Variants in ROBO1 observed in about 807,000 individuals in gnomAD.
ROBO1 encodes roundabout guidance receptor 1, also known as roundabout homolog 1.
In ROBO1, 149 loss-of-function variants were observed where a neutral mutation model predicts 195.9. The ratio of observed to expected loss-of-function variants is 0.76; its 90% CI spans 0.67 to 0.87. The LOEUF is 0.87. ROBO1 is among the 40% of genes least tolerant of loss of function. ROBO1 has a pLI of 0.00. For synonymous variants in ROBO1, 816 were observed against 733.2 expected (o/e 1.11, Z -1.82); for missense variants, 1,933 against 2,068.3 (o/e 0.93, Z 1.27).
At chr3:79,228,555 T>A (rs1024101134) in intron 2 of ROBO1, among the ~76,000 whole-genome samples, 1 of 152,084 alleles carries the variant, frequency 6.6e-6, no homozygotes, top group Non-Finnish European at 1.5e-5. Context: ...GGGAGATTTT[T>A]AAAAAACCTG....
chr3:78,746,837 A>T lies in ROBO1; in HGVS notation c.563T>A (p.Val188Glu), dbSNP rs1441986150. 6.2e-7 allele frequency: 1 copy of T among 1,601,664 alleles called. No individual in the cohort carries two copies. Among genetic ancestry groups the T allele is most frequent in the Non-Finnish European group, 8.5e-7 (1 of 1,171,186 alleles). The change falls in exon 5 of 31, where the codon GTA becomes GAA. Residue 188 changes from valine (V) to glutamate (E), a missense_variant. Physicochemically the swap from Val to Glu is moderately radical, Grantham distance 121 (BLOSUM62 -2). This residue lies in a region of ROBO1 where 1,737 missense variants were observed against 1,882.5 expected (regional missense o/e 0.92). Transcript: ENST00000464233. ...DVMVAVGEPAVMECQPPRGHP... is the reference protein window; with the variant it reads ...DVMVAVGEPAEMECQPPRGHP... ...GCCTCGTGGAGGTTGGCATTCCATTACTGCAGGCTCTCCTACTGCAACCAT... is the reference window on the plus strand; with the variant it reads ...GCCTCGTGGAGGTTGGCATTCCATTTCTGCAGGCTCTCCTACTGCAACCAT...
intron 4 of ROBO1, among the ~76,000 whole-genome samples, chr3:78,821,168 T>A (rs2030880113): frequency 6.7e-6 from 1 of 148,306 alleles, no homozygotes; most frequent in Non-Finnish European, 1.5e-5. Context: ...CTGATTTTTT[T>A]TTTTTTTTTT....
At chr3:79,717,114 T>A (rs1047589851) in intron 1 of ROBO1, among the ~76,000 whole-genome samples, 11 of 151,952 alleles carry the variant, frequency 7.2e-5, no homozygotes, top group African/African-American at 2.7e-4. Context: ...TCTTAAAAAA[T>A]TAGTGTTAGA....
chr3:79,447,252 C>T (rs186812117), intron 2 of ROBO1, among the ~76,000 whole-genome samples: 19 of 152,188 alleles, frequency 1.2e-4, no homozygotes, highest in Admixed American at 1.1e-3. Context: ...TCATGTGAGG[C>T]TCATTGAAGA....
At chr3:78,700,764 CTTTTTTTT>C (rs71127355) in intron 8 of ROBO1, among the ~76,000 whole-genome samples, 56,027 of 144,418 alleles carry the variant, frequency 0.39, 12,895 homozygotes, top group Middle Eastern at 0.54. Context: ...ATCTTTTTTT[CTTTTTTTT>C]TTTTTTTTGA....
intron 26 of ROBO1, among the ~76,000 whole-genome samples, chr3:78,620,443 A>C (rs60912355): frequency 0.33 from 50,224 of 151,982 alleles, 8,712 homozygotes; most frequent in African/African-American, 0.42. Flanking sequence ...ACCCGGGAGG[A>C]GGAGGTTGCA....
chr3:79,463,855 C>T (rs879770107), intron 2 of ROBO1, among the ~76,000 whole-genome samples: 7 of 152,056 alleles, frequency 4.6e-5, no homozygotes, highest in Non-Finnish European at 1.0e-4. Context: ...AATAATTGAA[C>T]AATCATCACC....
intron 3 of ROBO1, among the ~76,000 whole-genome samples, chr3:78,974,879 T>C (rs2076851495): frequency 6.6e-6 from 1 of 152,148 alleles, no homozygotes; most frequent in African/African-American, 2.4e-5. Flanking sequence ...TAAATACAAA[T>C]ACAATAATTT....
chr3:79,611,033 T>G (rs112116069), intron 1 of ROBO1, among the ~76,000 whole-genome samples: 3 of 152,056 alleles, frequency 2.0e-5, no homozygotes, highest in African/African-American at 7.2e-5. Flanking sequence ...TATGAATGGA[T>G]GTACCATTTT....
intron 3 of ROBO1, among the ~76,000 whole-genome samples, chr3:78,948,550 C>T (rs1209685734): frequency 1.3e-5 from 2 of 152,076 alleles, no homozygotes; most frequent in South Asian, 2.1e-4. Context: ...AAACCCACAG[C>T]CAATATCATA....
At chr3:79,086,652 T>C (rs1402551334) in intron 3 of ROBO1, among the ~76,000 whole-genome samples, 1 of 152,178 alleles carries the variant, frequency 6.6e-6, no homozygotes, top group Non-Finnish European at 1.5e-5. Flanking sequence ...AATGCAGCGA[T>C]ATTTTCCCGC....
chr3:78,876,622 T>G (rs2107206899), intron 4 of ROBO1, among the ~76,000 whole-genome samples: 1 of 152,260 alleles, frequency 6.6e-6, no homozygotes, highest in Middle Eastern at 3.4e-3. Context: ...ATTCCACATT[T>G]AAACCAAATA....
chr3:79,662,045 T>G (rs1946345196), intron 1 of ROBO1, among the ~76,000 whole-genome samples: 1 of 152,066 alleles, frequency 6.6e-6, no homozygotes, highest in Non-Finnish European at 1.5e-5. Flanking sequence ...TTTACAGGTT[T>G]TCTATGATAA....
chr3:78,668,076 A>G (rs765521512), intron 13 of ROBO1, 27 bp from the exon 14 acceptor site: 2 of 1,611,996 alleles, frequency 1.2e-6, no homozygotes, highest in Non-Finnish European at 1.7e-6. Context: ...AGGTTAGAAC[A>G]TGCGTATTTA....
chr3:78,998,640 T>C (rs2077424177), intron 3 of ROBO1, among the ~76,000 whole-genome samples: 1 of 152,108 alleles, frequency 6.6e-6, no homozygotes, highest in Non-Finnish European at 1.5e-5. Flanking sequence ...TGATTGATAG[T>C]CACCTGAAAT....
intron 4 of ROBO1, among the ~76,000 whole-genome samples, chr3:78,859,175 G>A (rs937350541): frequency 2.0e-5 from 3 of 152,162 alleles, no homozygotes; most frequent in South Asian, 2.1e-4. Flanking sequence ...AAATATTACC[G>A]ATAGAGCTGG....
At chr3:78,879,344 A>G (rs748047257) in intron 4 of ROBO1, among the ~76,000 whole-genome samples, 1 of 152,182 alleles carries the variant, frequency 6.6e-6, no homozygotes, top group Non-Finnish European at 1.5e-5. Flanking sequence ...GTGTATGTCT[A>G]CACATATATC....
chr3:79,280,125 T>C (rs2031393723), intron 2 of ROBO1, among the ~76,000 whole-genome samples: 1 of 152,100 alleles, frequency 6.6e-6, no homozygotes, highest in African/African-American at 2.4e-5. Context: ...TAGGTAGAGA[T>C]TTGTCCAAAG....
intron 3 of ROBO1, among the ~76,000 whole-genome samples, chr3:79,005,611 T>A (rs1343333193): frequency 6.6e-6 from 1 of 152,212 alleles, no homozygotes; most frequent in Non-Finnish European, 1.5e-5. Flanking sequence ...CCATTTCTGT[T>A]GCCTAAAGAA....
Sources: allele counts gnomAD v4.1 joint callset (sites outside exome capture counted in the v4.1 genomes callset), GRCh38; gene constraint gnomAD v4.1.1; regional missense constraint gnomAD v4.1.1; transcripts MANE v1.5; gene names NCBI Gene and HGNC (gene_info 2026-07-23, HGNC 2026-07-21).